The following FAM110B variants were observed in gnomAD, a reference collection of about 807,000 sequenced individuals.
The protein encoded by FAM110B is protein FAM110B.
Under a neutral mutation model 20.4 loss-of-function variants are expected in FAM110B, and 6 were observed. The observed-to-expected ratio is 0.29, with a 90% CI of 0.16 to 0.58. The LOEUF (loss-of-function observed/expected upper bound fraction) is 0.58. Among genes scored for constraint, FAM110B ranks in the 20% least tolerant of loss-of-function variants. The pLI is 0.90. For missense variants in FAM110B, 434 were observed against 498.2 expected, an observed-to-expected ratio of 0.87 and a Z score of 1.23; for synonymous variants, 226 against 214.1, an observed-to-expected ratio of 1.06 and a Z score of -0.49.
chr8:58,021,758 A>G (rs1191530962), intron 1 of FAM110B, among the ~76,000 whole-genome samples: 1 of 152,182 alleles, frequency 6.6e-6, no homozygotes, highest in Non-Finnish European at 1.5e-5. Context: ...TTAAAGGTGT[A>G]TATTTTGCAG....
At chr8:58,016,657 G>A (rs892623433) in intron 1 of FAM110B, among the ~76,000 whole-genome samples, 27 of 152,154 alleles carry the variant, frequency 1.8e-4, no homozygotes, top group African/African-American at 6.3e-4. Flanking sequence ...CATCCTGTTT[G>A]CCTCGTGGTG....
intron 3 of FAM110B, among the ~76,000 whole-genome samples, chr8:58,105,489 C>T (rs2150614629): frequency 6.6e-6 from 1 of 150,778 alleles, no homozygotes; most frequent in Admixed American, 6.6e-5. Context: ...GCCATGATCA[C>T]ACCACTACAC....
intron 2 of FAM110B, among the ~76,000 whole-genome samples, chr8:58,047,637 A>ACTCTCTCTCTCTCTCTCTCTCT (rs1585840295): frequency 1.6e-4 from 7 of 43,612 alleles, no homozygotes; most frequent in East Asian, 7.8e-4. Flanking sequence ...TCTCTCTCTG[A>ACTCTCTCTCTCTCTCTCTCTCT]CTTATATAAA....
At chr8:58,094,578 C>T (rs1806571963) in intron 3 of FAM110B, among the ~76,000 whole-genome samples, 1 of 152,158 alleles carries the variant, frequency 6.6e-6, no homozygotes, top group Non-Finnish European at 1.5e-5. Context: ...TTGAACCGGC[C>T]TTGCATCACA....
At chr8:58,070,426 A>G (rs1805867822) in intron 2 of FAM110B, 2 of 152,226 alleles carry the variant, frequency 1.3e-5, no homozygotes, top group Admixed American at 6.5e-5. Context: ...AAACACGGCC[A>G]TGCGTGAAAT....
intron 3 of FAM110B, among the ~76,000 whole-genome samples, chr8:58,105,832 A>G (rs1283736445): frequency 6.6e-6 from 1 of 151,890 alleles, no homozygotes; most frequent in Non-Finnish European, 1.5e-5. Context: ...AGCCTCCCAA[A>G]GTGCTGGGAT....
intron 1 of FAM110B, among the ~76,000 whole-genome samples, chr8:57,995,637 C>T (rs188134594): frequency 9.2e-5 from 14 of 152,174 alleles, no homozygotes; most frequent in Admixed American, 9.2e-4. Context: ...TAAGCTGGCT[C>T]GTGGGGAAGG....
chr8:57,995,406 G>A (rs76248900), intron 1 of FAM110B, among the ~76,000 whole-genome samples: 1 of 152,182 alleles, frequency 6.6e-6, no homozygotes, highest in African/African-American at 2.4e-5. Context: ...AGCTCCTCCC[G>A]TGGCCTCAAT....
chr8:57,998,910 T>C (rs1025260242), intron 1 of FAM110B, among the ~76,000 whole-genome samples: 1 of 152,202 alleles, frequency 6.6e-6, no homozygotes, highest in African/African-American at 2.4e-5. Context: ...CCTATGTCAT[T>C]TTGACATCTT....
intron 3 of FAM110B, among the ~76,000 whole-genome samples, chr8:58,090,707 C>G (rs182136897): frequency 5.9e-4 from 90 of 152,176 alleles, no homozygotes; most frequent in African/African-American, 2.1e-3. Flanking sequence ...AAAATAAAGG[C>G]TAAAGTATCT....
Position 58,146,467 on chromosome 8 carries a change from G to T in FAM110B, c.237G>T (p.Val79=). The change falls in exon 4 of 4, where the codon GTG becomes GTT. Residue 79 remains valine, a synonymous_variant. Transcript: ENST00000519262. ...NAKQEPVKPA[V]LAKPPVCPAA... ...AGCAGGAGCCCGTGAAGCCCGCCGT[G>T]CTGGCCAAGCCCCCGGTGTGCCCGG... is the stretch of plus-strand genomic sequence containing the variant. The T allele has an allele frequency of 6.2e-7, 1 of 1,613,572 alleles. No individual in the cohort carries two copies. Among genetic ancestry groups the T allele is most frequent in the East Asian group, 2.2e-5 (1 of 44,844 alleles).
chr8:58,138,044 G>T (rs115180845), intron 3 of FAM110B, among the ~76,000 whole-genome samples: 1 of 152,186 alleles, frequency 6.6e-6, no homozygotes, highest in Non-Finnish European at 1.5e-5. Context: ...CTTATCAGAC[G>T]GCTCTACCAG....
intron 1 of FAM110B, among the ~76,000 whole-genome samples, chr8:57,999,219 G>T (rs1484628229): frequency 6.6e-6 from 1 of 152,196 alleles, no homozygotes; most frequent in Non-Finnish European, 1.5e-5. Flanking sequence ...GTTCAAAAAT[G>T]AATACCTAAG....
chr8:58,134,455 T>C (rs1272198728), intron 3 of FAM110B, among the ~76,000 whole-genome samples: 2 of 152,240 alleles, frequency 1.3e-5, no homozygotes, highest in Non-Finnish European at 2.9e-5. Flanking sequence ...TTCAAATATA[T>C]ACACATTCCC....
At chr8:58,135,489 T>C (rs553416039) in intron 3 of FAM110B, among the ~76,000 whole-genome samples, 1 of 152,354 alleles carries the variant, frequency 6.6e-6, no homozygotes, top group East Asian at 1.9e-4. Flanking sequence ...TGTTTCATAA[T>C]TTTATTATAA....
chr8:58,096,831 G>T (rs947206299), intron 3 of FAM110B, among the ~76,000 whole-genome samples: 1 of 152,142 alleles, frequency 6.6e-6, no homozygotes, highest in Non-Finnish European at 1.5e-5. Flanking sequence ...GAAATTCTGG[G>T]TTGAAAAATC....
chr8:58,012,561 C>A (rs935650994), intron 1 of FAM110B, among the ~76,000 whole-genome samples: 5 of 152,022 alleles, frequency 3.3e-5, no homozygotes, highest in East Asian at 1.9e-4. Context: ...AGAATGATTT[C>A]TTTGAGTAGA....
In FAM110B at chr8:58,006,525, G is replaced by C. The variant is rs555664116; in HGVS notation, c.-512+11719G>C. On this transcript the variant is annotated intron_variant, in intron 1 of 3. Coordinates refer to ENST00000519262, the MANE Select transcript of FAM110B (RefSeq NM_001377989.1). ...ATCTAGACCTCCTAGGGTAAAACTG[G>C]CTGGGTCCAAGTGTAATAAAGCTAA... Among the ~76,000 whole-genome samples the C allele has an allele frequency of 5.3e-5, 8 of 152,212 alleles. No homozygotes were observed. In the South Asian group the frequency reaches 1.5e-3, roughly 28 times the overall value.
At chr8:58,127,434 C>G (rs932952160) in intron 3 of FAM110B, among the ~76,000 whole-genome samples, 1 of 152,198 alleles carries the variant, frequency 6.6e-6, no homozygotes, top group Admixed American at 6.5e-5. Flanking sequence ...TCGCAAATAA[C>G]TGATGGGAGG....
Sources: gnomAD v4.1 joint callset for allele counts (sites outside exome capture counted in the v4.1 genomes callset) on GRCh38, gnomAD v4.1.1 for gene constraint, MANE v1.5 for transcripts, NCBI Gene and HGNC (gene_info 2026-07-23, HGNC 2026-07-21) for gene names.